Variants in QTGAL observed in about 807,000 individuals in gnomAD.
QTGAL encodes the protein queuosine-tRNA galactosyltransferase.
the QTGAL span, among the ~76,000 whole-genome samples, chr17:82,991,097 T>C: frequency 5.3e-5 from 8 of 152,228 alleles, no homozygotes; most frequent in African/African-American, 1.4e-4. Flanking sequence ...AAATGGATTG[T>C]AGATCTGTAT....
the QTGAL span, among the ~76,000 whole-genome samples, chr17:83,000,297 G>A: frequency 6.6e-5 from 10 of 152,308 alleles, no homozygotes; most frequent in African/African-American, 2.4e-4. Context: ...GTGATTTACT[G>A]GAGGGAGGAG....
chr17:83,008,869 C>T, the QTGAL span, among the ~76,000 whole-genome samples: 12 of 152,022 alleles, frequency 7.9e-5, no homozygotes, highest in African/African-American at 2.2e-4. Context: ...TGCCGCCGAA[C>T]GAGTGTGCGG....
the QTGAL span, among the ~76,000 whole-genome samples, chr17:83,029,627 G>C: frequency 1.5e-3 from 222 of 152,230 alleles, no homozygotes; most frequent in African/African-American, 5.0e-3. Context: ...GGGGAGCCGG[G>C]GAAGCAAAAA....
At chr17:82,963,932 A>G in the QTGAL span, among the ~76,000 whole-genome samples, 62 of 151,706 alleles carry the variant, frequency 4.1e-4, no homozygotes, top group Non-Finnish European at 6.2e-4. Context: ...ATAAAATTGG[A>G]TCGATTTAAC....
chr17:83,025,781 G>C, the QTGAL span, among the ~76,000 whole-genome samples: 1 of 152,228 alleles, frequency 6.6e-6, no homozygotes, highest in Non-Finnish European at 1.5e-5. Flanking sequence ...TCTGAGCAGG[G>C]GTTTCTCCGA....
chr17:83,018,460 C>CT, the QTGAL span, among the ~76,000 whole-genome samples: 5 of 151,776 alleles, frequency 3.3e-5, no homozygotes, highest in African/African-American at 7.3e-5. Flanking sequence ...CACACATACA[C>CT]TTTTTTTTTA....
the QTGAL span, among the ~76,000 whole-genome samples, chr17:82,969,134 GA>G: frequency 7.5e-4 from 106 of 141,694 alleles, no homozygotes; most frequent in South Asian, 2.6e-3. Context: ...TCCATTTCAG[GA>G]AAAAAAAAAA....
the QTGAL span, among the ~76,000 whole-genome samples, chr17:83,028,291 G>A: frequency 1.5e-4 from 23 of 151,860 alleles, no homozygotes; most frequent in Non-Finnish European, 2.9e-4. Context: ...TTGGGAGGCC[G>A]AGGCGGGCGG....
the QTGAL span, among the ~76,000 whole-genome samples, chr17:83,051,452 G>A: frequency 2.0e-5 from 3 of 152,258 alleles, no homozygotes; most frequent in African/African-American, 4.8e-5. Context: ...AAATCAGAAC[G>A]AGGAAGGTCG....
At chr17:82,984,140 G>A in the QTGAL span, among the ~76,000 whole-genome samples, 1 of 103,336 alleles carries the variant, frequency 9.7e-6, no homozygotes, top group Non-Finnish European at 1.9e-5. Context: ...ACGTGAGGAC[G>A]TGGGGGAGGG....
At chr17:83,051,238 C>T in the QTGAL span, among the ~76,000 whole-genome samples, 2 of 87,816 alleles carry the variant, frequency 2.3e-5, no homozygotes, top group African/African-American at 9.6e-5. Context: ...CGCAGGTGCG[C>T]GGACCAGGTG....
the QTGAL span, among the ~76,000 whole-genome samples, chr17:83,023,473 C>T: frequency 6.6e-6 from 1 of 152,262 alleles, no homozygotes; most frequent in Admixed American, 6.5e-5. Flanking sequence ...TAATTCCAGG[C>T]TAAAGCCGAC....
the QTGAL span, among the ~76,000 whole-genome samples, chr17:83,049,676 T>C: frequency 6.6e-6 from 1 of 152,144 alleles, no homozygotes; most frequent in Non-Finnish European, 1.5e-5. Context: ...TTTAACAAAG[T>C]ATCGGGCAGG....
At chr17:82,951,124 G>A in the QTGAL span, among the ~76,000 whole-genome samples, 8 of 152,168 alleles carry the variant, frequency 5.3e-5, no homozygotes, top group East Asian at 1.9e-4. Flanking sequence ...TTAAAGTCAC[G>A]GCAAAGAGTC....
the QTGAL span, among the ~76,000 whole-genome samples, chr17:83,002,638 C>T: frequency 6.6e-6 from 1 of 152,172 alleles, no homozygotes; most frequent in East Asian, 1.9e-4. Flanking sequence ...GTGGCAACGG[C>T]CACGTCCCCT....
the QTGAL span, among the ~76,000 whole-genome samples, chr17:82,987,147 A>C: frequency 6.6e-6 from 1 of 152,166 alleles, no homozygotes; most frequent in Non-Finnish European, 1.5e-5. Flanking sequence ...TCTTTACCCC[A>C]TTTACCCTAA....
chr17:82,992,700 T>C, the QTGAL span, among the ~76,000 whole-genome samples: 4 of 150,512 alleles, frequency 2.7e-5, no homozygotes, highest in South Asian at 4.2e-4. Context: ...GTGTGTAAAC[T>C]ACTCTTAAGT....
the QTGAL span, among the ~76,000 whole-genome samples, chr17:82,955,496 C>A: frequency 6.6e-6 from 1 of 152,124 alleles, no homozygotes; most frequent in African/African-American, 2.4e-5. Context: ...AATCAAGAAA[C>A]AACAGATACT....
the QTGAL span, among the ~76,000 whole-genome samples, chr17:83,046,384 G>A: frequency 3.9e-4 from 60 of 152,264 alleles, no homozygotes; most frequent in African/African-American, 1.3e-3. Context: ...TGGTCCACCC[G>A]TCTCGGCCTC....
Sources: gnomAD v4.1 joint callset for allele counts (sites outside exome capture counted in the v4.1 genomes callset) on GRCh38, gnomAD v4.1.1 for gene constraint, MANE v1.5 for transcripts, NCBI Gene and HGNC (gene_info 2026-07-23, HGNC 2026-07-21) for gene names.